GSDMA: variants seen among roughly 807,000 people sequenced by gnomAD.
GSDMA encodes gasdermin A, also known as gasdermin-A.
In GSDMA, 55 loss-of-function variants were observed where a neutral mutation model predicts 54.3. That is an observed-to-expected ratio of 1.01 (90% CI 0.82 to 1.27). GSDMA has a LOEUF of 1.27. Among genes scored for constraint, GSDMA ranks in the 50% most tolerant of loss-of-function variants. The pLI is 0.00. For missense variants in GSDMA, 542 were observed against 542.6 expected, an observed-to-expected ratio of 1.00 and a Z score of 0.01; for synonymous variants, 211 against 224.7, an observed-to-expected ratio of 0.94 and a Z score of 0.54.
At position 39,974,310 on chromosome 17, in the gene GSDMA, A is replaced by T. The variant is rs746490321; in HGVS notation, c.789A>T (p.Glu263Asp). The T allele has an allele frequency of 1.2e-6, 2 of 1,611,230 alleles. No homozygotes were observed. The highest frequency in any genetic ancestry group is 2.7e-5 in the African/African-American group (2 of 74,878). ...AAGGCTTCAGGACACTAAAAGAAGA[A>T]GTTCAGAGAGAGACCCAACAAGTGG... The part of the protein sequence containing the change: ...VHEGFRTLKE[E>D]VQRETQQVEK... The change falls in exon 9 of 12, where the codon GAA becomes GAT. Residue 263 changes from glutamate to aspartate, a missense_variant. Glu to Asp is a conservative substitution (Grantham distance 45, BLOSUM62 2). Transcript: ENST00000301659.
At chr17:39,970,406 G>T in intron 3 of GSDMA, 76 bp from the exon 4 acceptor site, 2 of 1,319,756 alleles carry the variant, frequency 1.5e-6, no homozygotes, top group South Asian at 3.6e-5. Flanking sequence ...TCCTGGGAAT[G>T]ACAGAAGGAA....
intron 4 of GSDMA, 75 bp from the exon 5 acceptor site, chr17:39,971,449 T>C: frequency 8.8e-7 from 1 of 1,137,466 alleles, no homozygotes; most frequent in South Asian, 1.3e-5. Context: ...ACCCTGCACC[T>C]CCCCCAACTC....
chr17:39,973,794 T>C lies in GSDMA; in HGVS notation c.731-16T>C, dbSNP rs1208998806. The C allele has an allele frequency of 6.2e-7, 1 of 1,608,630 alleles. No individual in the cohort carries two copies. On this transcript the variant is annotated splice_polypyrimidine_tract_variant and intron_variant, in intron 7 of 11. Coordinates refer to ENST00000301659, the MANE Select transcript of GSDMA (RefSeq NM_178171.5). ...AGGATTGCATTCTTATCTTTTTTTT[T>C]TCCTTTTTTTCTCAGTTATCCAGGC...
intron 10 of GSDMA, among the ~76,000 whole-genome samples, 197 bp downstream of exon 10, chr17:39,975,211 G>A (rs1441196373): frequency 6.6e-6 from 1 of 152,180 alleles, no homozygotes; most frequent in Admixed American, 6.5e-5. Flanking sequence ...CACTTTGGGA[G>A]GCCAAGGTGG....
At position 39,966,450 on chromosome 17, in the gene GSDMA, G is replaced by C; in HGVS notation, c.392+13G>C. On this transcript the variant is annotated intron_variant, in intron 3 of 11. Coordinates refer to ENST00000301659, the MANE Select transcript of GSDMA (RefSeq NM_178171.5). Reference sequence around the variant, plus strand: ...CCGTGCAGGAGAGGTGAGAGTGGGCGGGACTGAGGGTCTCCCGGGATGTGG... The same window carrying C: ...CCGTGCAGGAGAGGTGAGAGTGGGCCGGACTGAGGGTCTCCCGGGATGTGG... 1 of 1,580,682 alleles carries C rather than the reference G, an allele frequency of 6.3e-7. No homozygotes were observed. The highest frequency in any genetic ancestry group is 8.6e-7 in the Non-Finnish European group (1 of 1,166,300).
rs772405071 is a variant in GSDMA, at chr17:39,971,544, G to T, written c.579G>T (p.Glu193Asp). The T allele has an allele frequency of 1.9e-5, 30 of 1,613,652 alleles. No homozygotes were observed. The highest frequency in any genetic ancestry group is 2.5e-5 in the Non-Finnish European group (30 of 1,179,606). The change falls in exon 5 of 12, where the codon GAG (glutamate) becomes GAT (aspartate). Residue 193 changes from glutamate to aspartate, a missense_variant. Glu to Asp is a conservative substitution (Grantham distance 45, BLOSUM62 2). Transcript: ENST00000301659. ...TCTAGGGATCCATAAATCACAAGGA[G>T]GCTGTAACCATCCCCAAGGGCTGCG... ...LGLQGSINHK[E>D]AVTIPKGCVL...
chr17:39,972,544 A>T (rs757406996), intron 6 of GSDMA, 43 bp from the exon 7 acceptor site: 2 of 1,605,496 alleles, frequency 1.2e-6, no homozygotes, highest in Non-Finnish European at 1.7e-6. Context: ...AAAAGGCAAA[A>T]ATGGGTTTTG....
chr17:39,976,119 C>T (rs1464938021), intron 11 of GSDMA, 122 bp downstream of exon 11: 7 of 609,664 alleles, frequency 1.1e-5, no homozygotes, highest in Non-Finnish European at 2.0e-5. Flanking sequence ...GGGGCTTATG[C>T]CCACTCCTCC....
intron 11 of GSDMA, 115 bp downstream of exon 11, chr17:39,976,112 G>C (rs1980188866): frequency 1.5e-6 from 1 of 646,650 alleles, no homozygotes. Context: ...TATCCCAGGG[G>C]CTTATGCCCA....
chr17:39,972,798 T>TGGACAAGAC (rs1980014619), intron 7 of GSDMA, among the ~76,000 whole-genome samples, 185 bp downstream of exon 7: 3 of 5,062 alleles, frequency 5.9e-4, no homozygotes, highest in African/African-American at 2.2e-3. Flanking sequence ...GGGGAGTCTT[T>TGGACAAGAC]GCCCAGGTGG....
Position 39,972,606 on chromosome 17 carries a change from GGTCATCCGTAAGTGTTTCC to G in GSDMA, c.724_730+12del. 1.2e-6 allele frequency: 2 copies of G among 1,612,676 alleles called. No individual in the cohort carries two copies. The highest frequency in any genetic ancestry group is 1.7e-6 in the Non-Finnish European group (2 of 1,179,250). On this transcript the variant is annotated splice_donor_variant and splice_donor_5th_base_variant and coding_sequence_variant and intron_variant, in exon 7 of 12. Transcript: ENST00000301659. LOFTEE classifies it high-confidence loss of function. ...CTTCAGAAAAGTCAGGAGAGGAGAAGGTCATCCGTAAGTGTTTCCTTTCATTCCACTGAAACTTTCTTGA... is the reference window on the plus strand; with the variant it reads ...CTTCAGAAAAGTCAGGAGAGGAGAAGTTTCATTCCACTGAAACTTTCTTGA...
rs900866269 is a variant in GSDMA at position 39,975,525 on chromosome 17, C to G, written c.1022-399C>G. ...AGTCTGAGAAGACAGCCTAGTCTTG[C>G]TAATAGAGGTTGAATAACCCTAGTT... On this transcript the variant is annotated intron_variant, in intron 10 of 11. Transcript: ENST00000301659. Among the ~76,000 whole-genome samples the G allele has an allele frequency of 5.3e-5, 8 of 152,026 alleles. No individual in the cohort carries two copies. In the South Asian group the frequency reaches 1.7e-3, roughly 31 times the overall value.
chr17:39,971,657 G>T (rs1259627127), intron 5 of GSDMA, 37 bp downstream of exon 5: 1 of 1,500,590 alleles, frequency 6.7e-7, no homozygotes, highest in Non-Finnish European at 9.3e-7. Context: ...CACAAGATGA[G>T]AATTACCTGC....
Position 39,972,900 on chromosome 17 carries a change from G to C in GSDMA, c.730+287G>C, listed in dbSNP as rs1180205845. ...AATCCCAGCACTTTGGGAGGCTGAG[G>C]CAGGAGGATCCCTTGAGCTCAGGAG... On this transcript the variant is annotated intron_variant, in intron 7 of 11. Transcript: ENST00000301659. Among the ~76,000 whole-genome samples the C allele has an allele frequency of 3.9e-5, 6 of 152,280 alleles. No individual in the cohort carries two copies. In the South Asian group the frequency reaches 1.2e-3, roughly 32 times the overall value.
At position 39,976,052 on chromosome 17, in the gene GSDMA, G is replaced by A. The variant is rs1980186302; in HGVS notation, c.1095+55G>A. ...AGTCTGGGAGTAGCTGCAGCCAGTG[G>A]AGATGCAGATTTCGCCTAAGGATGG... is the stretch of plus-strand genomic sequence containing the variant. On this transcript the variant is annotated intron_variant, in intron 11 of 11. Coordinates refer to ENST00000301659, the MANE Select transcript of GSDMA (RefSeq NM_178171.5). The A allele has an allele frequency of 2.2e-6, 3 of 1,364,050 alleles. No homozygotes were observed. In the East Asian group the frequency reaches 7.5e-5, roughly 34 times the overall value. The allele number at this position is 1,364,050 out of a possible 1,614,324, so 84.5% of individuals were successfully genotyped here. A position where few individuals can be genotyped will look rare whatever the true frequency, so the allele number is the denominator to read the frequency against.
Position 39,973,826 on chromosome 17 carries a change from T to TGTTG in GSDMA, c.750_751+2dup, listed in dbSNP as rs1568131641. 6.2e-7 allele frequency: 1 copy of TGTTG among 1,613,110 alleles called. No individual in the cohort carries two copies. Among genetic ancestry groups the TGTTG allele is most frequent in the Non-Finnish European group, 8.5e-7 (1 of 1,179,268 alleles). ...TTTTCTCAGTTATCCAGGCATCTGA[T>TGTTG]GTTGGTAAGGAACTTTGTGAGTTTC... On this transcript the variant is annotated frameshift_variant, in exon 8 of 12. Transcript: ENST00000301659. LOFTEE classifies it high-confidence loss of function.
chr17:39,969,326 G>A (rs189807164), intron 3 of GSDMA, among the ~76,000 whole-genome samples: 14 of 150,394 alleles, frequency 9.3e-5, no homozygotes, highest in Admixed American at 4.7e-4. Context: ...CTTCAGCCTG[G>A]GCAACAGAGT....
chr17:39,971,491 A>C, intron 4 of GSDMA, 33 bp from the exon 5 acceptor site: 2 of 1,545,462 alleles, frequency 1.3e-6, no homozygotes, highest in South Asian at 1.1e-5. Flanking sequence ...TAAGATGTCC[A>C]GAGATTCACA....
chr17:39,976,934 G>C lies in GSDMA; in HGVS notation c.1214G>C (p.Gly405Ala). The change falls in exon 12 of 12, where the codon GGG (glycine) becomes GCG (alanine). Residue 405 changes from glycine (G) to alanine (A), a missense_variant. Transcript: ENST00000301659. ...EELTLTEALVGLSGLEVQRSG... is the reference protein window; with the variant it reads ...EELTLTEALVALSGLEVQRSG... Reference sequence around the variant, plus strand: ...CTGACCCTCACGGAGGCTCTAGTCGGGCTGAGTGGCCTGGAAGTGCAGAGA... The same window carrying C: ...CTGACCCTCACGGAGGCTCTAGTCGCGCTGAGTGGCCTGGAAGTGCAGAGA... 6.2e-7 allele frequency: 1 copy of C among 1,613,976 alleles called. No homozygotes were observed. The highest frequency in any genetic ancestry group is 1.7e-5 in the Admixed American group (1 of 60,014).
Sources: gnomAD v4.1 joint callset for allele counts (sites outside exome capture counted in the v4.1 genomes callset) on GRCh38, gnomAD v4.1.1 for gene constraint, MANE v1.5 for transcripts, NCBI Gene and HGNC (gene_info 2026-07-23, HGNC 2026-07-21) for gene names.